The following ANKHD1 variants were observed in gnomAD, a reference collection of about 807,000 sequenced individuals.
ANKHD1 encodes the protein ankyrin repeat and KH domain containing 1, also known as ankyrin repeat and KH domain-containing protein 1.
A neutral mutation model predicts 230.5 loss-of-function variants in ANKHD1; 31 were observed. That is an observed-to-expected ratio of 0.13 (90% confidence interval 0.10 to 0.18). The LOEUF (loss-of-function observed/expected upper bound fraction) is 0.18, where lower values mean the gene tolerates loss of function less well. Ranked by LOEUF, ANKHD1 falls within the 10% of genes least tolerant of loss-of-function variation. ANKHD1 has a pLI of 1.00. For missense variants in ANKHD1, 2,256 were observed against 3,071.3 expected, an observed-to-expected ratio of 0.73 and a Z score of 6.27; for synonymous variants, 1,074 against 1,117.6, an observed-to-expected ratio of 0.96 and a Z score of 0.78.
intron 14 of ANKHD1, among the ~76,000 whole-genome samples, chr5:140,493,547 C>T (rs1053707258): frequency 2.0e-5 from 3 of 152,142 alleles, no homozygotes; most frequent in Admixed American, 6.5e-5. Context: ...TTAATCTCTA[C>T]CCAGAAACTG....
chr5:140,403,250 T>C (rs1480696335), intron 1 of ANKHD1, among the ~76,000 whole-genome samples: 2 of 152,140 alleles, frequency 1.3e-5, no homozygotes, highest in Admixed American at 1.3e-4. Flanking sequence ...ATTACAGGTA[T>C]GAGCCACCGT....
chr5:140,410,607 C>CT (rs1323163232), intron 1 of ANKHD1, among the ~76,000 whole-genome samples: 1 of 151,870 alleles, frequency 6.6e-6, no homozygotes, highest in Non-Finnish European at 1.5e-5. Flanking sequence ...AAAATCAATT[C>CT]TTTTTTTAAA....
intron 14 of ANKHD1, among the ~76,000 whole-genome samples, chr5:140,495,910 T>C: frequency 6.6e-6 from 1 of 152,190 alleles, no homozygotes. Flanking sequence ...GTGTTAAAGG[T>C]ATATTTAATG....
intron 10 of ANKHD1, 139 bp from the exon 11 acceptor site, chr5:140,482,441 A>C: frequency 2.4e-6 from 2 of 839,196 alleles, no homozygotes; most frequent in Non-Finnish European, 3.4e-6. Context: ...TAATGGGGGA[A>C]TTGAGGTAGG....
intron 7 of ANKHD1, among the ~76,000 whole-genome samples, chr5:140,449,840 G>A (rs1353941918): frequency 1.3e-5 from 2 of 152,102 alleles, no homozygotes; most frequent in Admixed American, 1.3e-4. Context: ...TAGTTCTAGT[G>A]TTTTTACAGT....
chr5:140,525,525 C>G (rs1264191408), intron 25 of ANKHD1, among the ~76,000 whole-genome samples: 1 of 152,178 alleles, frequency 6.6e-6, no homozygotes, highest in East Asian at 1.9e-4. Context: ...CTTGGCCTCC[C>G]ACAGTGCTGA....
At chr5:140,428,496 C>T (rs535987794) in intron 1 of ANKHD1, among the ~76,000 whole-genome samples, 90 of 152,350 alleles carry the variant, frequency 5.9e-4, no homozygotes, top group East Asian at 5.0e-3. Flanking sequence ...ACCAGTCAGG[C>T]GTGGTGGCGC....
In ANKHD1 at chr5:140,422,261, T is replaced by C. The variant is rs567088928; in HGVS notation, c.307-13843T>C. 1.5e-4 allele frequency among the ~76,000 whole-genome samples: 23 copies of C among 152,148 alleles called. No homozygotes were observed. In the South Asian group the frequency reaches 4.4e-3, roughly 29 times the overall value. ...CCGCACCCTCCCGAGTAGCTGGGAT[T>C]ACAGGCGCCCACCACCACGCCCGGC... On this transcript the variant is annotated intron_variant, in intron 1 of 33. Transcript: ENST00000360839.
chr5:140,519,763 A>T (rs1305501528), intron 24 of ANKHD1, among the ~76,000 whole-genome samples: 1 of 152,204 alleles, frequency 6.6e-6, no homozygotes, highest in Non-Finnish European at 1.5e-5. Context: ...CTTACACCTT[A>T]TACAAAAATC....
At chr5:140,438,356 T>G in intron 2 of ANKHD1, 105 bp from the exon 3 acceptor site, 2 of 1,410,534 alleles carry the variant, frequency 1.4e-6, no homozygotes, top group Admixed American at 5.1e-5. Context: ...TCTATACCAT[T>G]TCTTTTTCCT....
intron 10 of ANKHD1, among the ~76,000 whole-genome samples, chr5:140,470,177 C>T (rs576329428): frequency 1.1e-4 from 16 of 152,074 alleles, no homozygotes; most frequent in Non-Finnish European, 1.0e-4. Context: ...CTTTTTCTGT[C>T]TGGATTATCA....
Position 140,449,224 on chromosome 5 carries a change from G to C in ANKHD1, c.1161G>C (p.Met387Ile). ...CCTTTTTTCAAGGCCATTTGGATAT[G>C]GTTCGCTTTCTACTTGAAGCTGGTG... is the stretch of plus-strand genomic sequence containing the variant. Reference protein sequence around the residue: ...TLACYKGHLDMVRFLLEAGAD... With the variant: ...TLACYKGHLDIVRFLLEAGAD... Residue 387 changes from methionine (M) to isoleucine (I), a missense_variant, in exon 7 of 34, where the codon ATG becomes ATC. By Grantham distance (10) the Met-to-Ile change is conservative. This residue lies in a region of ANKHD1 where 206 missense variants were observed against 304.5 expected (regional missense o/e 0.68). Transcript: ENST00000360839. The C allele has an allele frequency of 6.2e-7, 1 of 1,611,934 alleles. No individual in the cohort carries two copies. Among genetic ancestry groups the C allele is most frequent in the Non-Finnish European group, 8.5e-7 (1 of 1,178,696 alleles).
Position 140,538,950 on chromosome 5 carries a change from T to G in ANKHD1, c.7436T>G (p.Ile2479Arg). ...CCAATTTCCATGTATGGAGGCACCA[T>G]AATACCCTCTCATCCTCAGCTTGCT... ...GLPISMYGGT[I>R]IPSHPQLADV... is the part of the protein sequence containing the mutation. The change falls in exon 33 of 34, where the codon ATA becomes AGA. Residue 2479 changes from isoleucine (I) to arginine (R), a missense_variant. Transcript: ENST00000360839. 1.2e-6 allele frequency: 2 copies of G among 1,604,598 alleles called. No homozygotes were observed. Among genetic ancestry groups the G allele is most frequent in the Non-Finnish European group, 1.7e-6 (2 of 1,175,740 alleles).
intron 25 of ANKHD1, 120 bp from the exon 26 acceptor site, chr5:140,525,875 CT>C: frequency 8.9e-7 from 1 of 1,124,334 alleles, no homozygotes; most frequent in Non-Finnish European, 1.2e-6. Context: ...TTAGTGAATA[CT>C]GGTGAAAGGA....
chr5:140,536,164 G>A (rs1754062009), intron 30 of ANKHD1, among the ~76,000 whole-genome samples: 1 of 152,178 alleles, frequency 6.6e-6, no homozygotes, highest in African/African-American at 2.4e-5. Flanking sequence ...CACGATCTTG[G>A]TTCACTCCAC....
At chr5:140,536,309 G>T (rs1343289925) in intron 30 of ANKHD1, among the ~76,000 whole-genome samples, 2 of 152,172 alleles carry the variant, frequency 1.3e-5, no homozygotes, top group African/African-American at 4.8e-5. Context: ...GGCCAGGCTG[G>T]TCTCAAACTC....
intron 29 of ANKHD1, among the ~76,000 whole-genome samples, chr5:140,533,574 C>T (rs758628814): frequency 2.6e-5 from 4 of 151,586 alleles, no homozygotes; most frequent in South Asian, 2.1e-4. Flanking sequence ...ACTCCAGCCT[C>T]GGCAACAGAG....
At chr5:140,470,620 T>G (rs1030703320) in intron 10 of ANKHD1, among the ~76,000 whole-genome samples, 5 of 146,452 alleles carry the variant, frequency 3.4e-5, no homozygotes, top group Admixed American at 1.4e-4. Flanking sequence ...GCTTTTTTTT[T>G]TTTTTTTTTT....
At chr5:140,502,752 A>C (rs2127047412) in intron 15 of ANKHD1, among the ~76,000 whole-genome samples, 1 of 152,246 alleles carries the variant, frequency 6.6e-6, no homozygotes, top group South Asian at 2.1e-4. Flanking sequence ...GAATGACAAC[A>C]ATTTTTCATT....
Sources: allele counts gnomAD v4.1 joint callset (sites outside exome capture counted in the v4.1 genomes callset), GRCh38; gene constraint gnomAD v4.1.1; regional missense constraint gnomAD v4.1.1; transcripts MANE v1.5; gene names NCBI Gene and HGNC (gene_info 2026-07-23, HGNC 2026-07-21).